CACNA2D3: variants seen among roughly 807,000 people sequenced by gnomAD.
CACNA2D3 encodes the protein calcium voltage-gated channel auxiliary subunit alpha2delta 3.
Under a neutral mutation model 160.6 loss-of-function variants are expected in CACNA2D3, and 60 were observed. The observed-to-expected ratio is 0.37, with a 90% CI of 0.30 to 0.46. CACNA2D3 has a LOEUF of 0.46. Among genes scored for constraint, CACNA2D3 ranks in the 20% least tolerant of loss-of-function variants. The pLI, the probability that CACNA2D3 is intolerant of heterozygous loss-of-function variation, is 1.00. For synonymous variants in CACNA2D3, 558 were observed against 492.9 expected, an observed-to-expected ratio of 1.13 and a Z score of -1.75; for missense variants, 1,205 against 1,365.0, an observed-to-expected ratio of 0.88 and a Z score of 1.85.
chr3:54,404,178 C>A (rs1342198631), intron 4 of CACNA2D3, among the ~76,000 whole-genome samples: 11 of 152,026 alleles, frequency 7.2e-5, no homozygotes. Flanking sequence ...AAAGACACCA[C>A]GGTAAAGAAA....
chr3:54,394,453 A>G (rs530652930), intron 4 of CACNA2D3, among the ~76,000 whole-genome samples: 5 of 142,800 alleles, frequency 3.5e-5, no homozygotes, highest in South Asian at 2.3e-4. Context: ...ATATCTCCCA[A>G]TGCTATCCCT....
chr3:54,141,622 G>C (rs1699936857), intron 2 of CACNA2D3, among the ~76,000 whole-genome samples: 1 of 152,168 alleles, frequency 6.6e-6, no homozygotes, highest in South Asian at 2.1e-4. Context: ...ATAAATTTGA[G>C]AGATGATGGC....
At chr3:54,438,349 G>A (rs1700090892) in intron 4 of CACNA2D3, among the ~76,000 whole-genome samples, 1 of 152,170 alleles carries the variant, frequency 6.6e-6, no homozygotes, top group African/African-American at 2.4e-5. Flanking sequence ...TGTGTTTCAT[G>A]ATATGCCTTA....
intron 4 of CACNA2D3, among the ~76,000 whole-genome samples, chr3:54,390,240 G>A (rs924180996): frequency 1.1e-4 from 16 of 152,166 alleles, no homozygotes; most frequent in African/African-American, 3.6e-4. Flanking sequence ...TTGTCCATCT[G>A]AAGCTATTAT....
intron 4 of CACNA2D3, among the ~76,000 whole-genome samples, chr3:54,470,863 A>C (rs947165134): frequency 5.3e-5 from 8 of 152,264 alleles, no homozygotes; most frequent in Admixed American, 5.2e-4. Flanking sequence ...AGAAGAGCTA[A>C]GTATCCTAAA....
At chr3:54,782,863 G>A (rs547965171) in intron 13 of CACNA2D3, among the ~76,000 whole-genome samples, 82 of 152,320 alleles carry the variant, frequency 5.4e-4, no homozygotes, top group African/African-American at 1.7e-3. Context: ...TAACGGTGGA[G>A]TAGGGCAGGT....
chr3:54,887,836 C>A, intron 23 of CACNA2D3, 123 bp from the exon 24 acceptor site: 1 of 724,454 alleles, frequency 1.4e-6, no homozygotes, highest in Non-Finnish European at 2.4e-6. Context: ...GGGAACTTAA[C>A]TCATAAAGCA....
chr3:54,627,715 T>G (rs1699153347), intron 9 of CACNA2D3, 72 bp from the exon 10 acceptor site: 1 of 897,576 alleles, frequency 1.1e-6, no homozygotes, highest in South Asian at 1.4e-5. Flanking sequence ...ATGGCGTACA[T>G]CTAATTCATT....
intron 17 of CACNA2D3, among the ~76,000 whole-genome samples, chr3:54,854,989 C>T (rs1360064047): frequency 6.6e-6 from 1 of 152,138 alleles, no homozygotes; most frequent in Non-Finnish European, 1.5e-5. Context: ...TAAAATTAAG[C>T]TTATTCAACT....
intron 27 of CACNA2D3, among the ~76,000 whole-genome samples, chr3:54,964,608 G>A (rs1305510362): frequency 1.3e-5 from 2 of 152,146 alleles, no homozygotes; most frequent in African/African-American, 4.8e-5. Context: ...AAGGGAGAGA[G>A]TGGGACTCAC....
chr3:54,509,416 A>G (rs1701423722), intron 5 of CACNA2D3, among the ~76,000 whole-genome samples: 1 of 152,106 alleles, frequency 6.6e-6, no homozygotes, highest in South Asian at 2.1e-4. Context: ...TCTTCTCAGG[A>G]TTCTGAACTA....
intron 27 of CACNA2D3, among the ~76,000 whole-genome samples, chr3:54,928,736 A>G (rs1415291979): frequency 7.2e-6 from 1 of 139,800 alleles, no homozygotes; most frequent in Non-Finnish European, 1.5e-5. Flanking sequence ...AGTTGAATTG[A>G]CCTTTTGGTT....
At chr3:54,682,727 T>G (rs1700378181) in intron 11 of CACNA2D3, among the ~76,000 whole-genome samples, 1 of 152,126 alleles carries the variant, frequency 6.6e-6, no homozygotes. Context: ...TAAATACATC[T>G]GGAAAGCTAC....
chr3:54,449,621 C>T (rs974826487), intron 4 of CACNA2D3, among the ~76,000 whole-genome samples: 14 of 152,222 alleles, frequency 9.2e-5, no homozygotes, highest in African/African-American at 3.4e-4. Flanking sequence ...TGGTTTAACA[C>T]CATCCCCCTT....
intron 2 of CACNA2D3, among the ~76,000 whole-genome samples, chr3:54,191,539 T>C (rs1452880421): frequency 3.3e-5 from 5 of 152,128 alleles, no homozygotes; most frequent in African/African-American, 1.2e-4. Flanking sequence ...TGCCATGGGC[T>C]GTTTTTTGTC....
chr3:54,351,041 G>A (rs1297294418), intron 3 of CACNA2D3, among the ~76,000 whole-genome samples: 9 of 136,644 alleles, frequency 6.6e-5, no homozygotes, highest in African/African-American at 1.9e-4. Flanking sequence ...CAGGCTGGAG[G>A]CGCGATCTCG....
chr3:54,302,951 G>C (rs539530056), intron 2 of CACNA2D3, among the ~76,000 whole-genome samples: 1 of 152,080 alleles, frequency 6.6e-6, no homozygotes, highest in African/African-American at 2.4e-5. Flanking sequence ...CGAGTGTAAG[G>C]TGTGGGCACA....
chr3:54,514,776 G>A (rs1701517449), intron 5 of CACNA2D3, among the ~76,000 whole-genome samples: 1 of 152,152 alleles, frequency 6.6e-6, no homozygotes, highest in Admixed American at 6.5e-5. Flanking sequence ...GGGCTGGGGT[G>A]GGGTGGGAGG....
intron 11 of CACNA2D3, among the ~76,000 whole-genome samples, chr3:54,723,955 A>G (rs894590798): frequency 2.6e-5 from 4 of 152,232 alleles, no homozygotes; most frequent in African/African-American, 4.8e-5. Context: ...AAATGCCCCA[A>G]TTAAAAGACA....
Sources: gnomAD v4.1 joint callset for allele counts (sites outside exome capture counted in the v4.1 genomes callset) on GRCh38, gnomAD v4.1.1 for gene constraint, MANE v1.5 for transcripts, NCBI Gene and HGNC (gene_info 2026-07-23, HGNC 2026-07-21) for gene names.